SGCD: variants seen among roughly 807,000 people sequenced by gnomAD.
SGCD encodes sarcoglycan delta, also known as delta-sarcoglycan.
In SGCD, 18 loss-of-function variants were observed where a neutral mutation model predicts 36.6. That is an observed-to-expected ratio of 0.49 (90% CI 0.34 to 0.73). SGCD has a LOEUF of 0.73. Ranked by LOEUF, SGCD falls within the 30% of genes least tolerant of loss-of-function variation. The probability of loss-of-function intolerance (pLI) is 0.01; values close to 1 mark genes in which losing one functional copy is unlikely to be tolerated. For synonymous variants in SGCD, 133 were observed against 130.6 expected, an observed-to-expected ratio of 1.02 and a Z score of -0.12; for missense variants, 387 against 346.7, an observed-to-expected ratio of 1.12 and a Z score of -0.92.
chr5:156,730,650 G>A (rs284443), intron 7 of SGCD, among the ~76,000 whole-genome samples: 115,925 of 152,072 alleles, frequency 0.76, 44,901 homozygotes, highest in South Asian at 0.85. Context: ...TTGATTCCAT[G>A]TCTTTGTTAT....
In SGCD at chr5:156,229,277, C is replaced by CATATATAT. The variant is rs570200528; in HGVS notation, c.-43-100241_-43-100234dup. On this transcript the variant is annotated intron_variant, in intron 3 of 9. Coordinates refer to the SGCD transcript ENST00000517913. ...ACATACATACATATATATATACATACATATATATATATATATATATATAAA... is the reference window on the plus strand; with the variant it reads ...ACATACATACATATATATATACATACATATATATATATATATATATATATATATATAAA... 2.3e-3 allele frequency among the ~76,000 whole-genome samples: 131 copies of CATATATAT among 56,466 alleles called. 14 individuals are homozygous for CATATATAT. Among genetic ancestry groups the CATATATAT allele is most frequent in the South Asian group, 7.5e-3 (12 of 1,592 alleles). 37.0% of individuals were successfully genotyped at this position (56,466 alleles called of 152,430 possible).
chr5:155,817,660 G>A, the SGCD span, among the ~76,000 whole-genome samples: 1 of 152,012 alleles, frequency 6.6e-6, no homozygotes, highest in African/African-American at 2.4e-5. Flanking sequence ...TGAGATTTAT[G>A]TAGGACCAAT....
At chr5:156,242,366 A>T (rs1488659302) in intron 3 of SGCD, among the ~76,000 whole-genome samples, 2 of 152,128 alleles carry the variant, frequency 1.3e-5, no homozygotes, top group Non-Finnish European at 2.9e-5. Flanking sequence ...TGTAAAAAGG[A>T]CACCATAGGA....
At chr5:156,441,368 G>A (rs1753485222) in intron 3 of SGCD, among the ~76,000 whole-genome samples, 1 of 152,072 alleles carries the variant, frequency 6.6e-6, no homozygotes, top group South Asian at 2.1e-4. Context: ...TTCTTTAAAG[G>A]GAGGATAATA....
At chr5:155,953,294 A>C (rs1040977417) in intron 1 of SGCD, among the ~76,000 whole-genome samples, 1 of 152,278 alleles carries the variant, frequency 6.6e-6, no homozygotes, top group African/African-American at 2.4e-5. Context: ...ACTGGGAGCT[A>C]GTTGAGCTCT....
chr5:156,048,170 G>T (rs1200528184), intron 1 of SGCD, among the ~76,000 whole-genome samples: 1 of 152,122 alleles, frequency 6.6e-6, no homozygotes, highest in African/African-American at 2.4e-5. Flanking sequence ...TTTTATGACT[G>T]CATAGTATTC....
intron 1 of SGCD, among the ~76,000 whole-genome samples, chr5:155,886,389 G>A (rs1755999420): frequency 6.6e-6 from 1 of 152,176 alleles, no homozygotes; most frequent in Non-Finnish European, 1.5e-5. Context: ...CCAGATGAGA[G>A]AATCTGATTG....
At chr5:156,358,133 T>C (rs1223572380) in intron 3 of SGCD, among the ~76,000 whole-genome samples, 1 of 152,222 alleles carries the variant, frequency 6.6e-6, no homozygotes, top group Non-Finnish European at 1.5e-5. Flanking sequence ...CTCTTAATTA[T>C]ATGATAAAAT....
intron 7 of SGCD, among the ~76,000 whole-genome samples, chr5:156,663,954 C>T (rs1267074199): frequency 2.7e-5 from 1 of 37,196 alleles, no homozygotes; most frequent in South Asian, 1.1e-3. Context: ...GCTCGTTTCC[C>T]GACAATGGTT....
At chr5:155,769,940 C>T in the SGCD span, among the ~76,000 whole-genome samples, 1 of 152,182 alleles carries the variant, frequency 6.6e-6, no homozygotes, top group South Asian at 2.1e-4. Flanking sequence ...TTAGGCCATG[C>T]TTTGTACCTT....
intron 1 of SGCD, among the ~76,000 whole-genome samples, chr5:156,087,507 G>T (rs1581091257): frequency 6.6e-6 from 1 of 152,078 alleles, no homozygotes; most frequent in East Asian, 1.9e-4. Flanking sequence ...GGGCATGGTG[G>T]CATGTGCCTG....
At chr5:155,868,619 A>T (rs1022086724), upstream of SGCD, among the ~76,000 whole-genome samples, 3 of 152,102 alleles carry the variant, frequency 2.0e-5, no homozygotes, top group Non-Finnish European at 4.4e-5. Context: ...AAATGAAGGG[A>T]TCTAGCAAAA....
Position 156,508,615 on chromosome 5 carries a change from C to T in SGCD, c.207C>T (p.Asn69=), listed in dbSNP as rs1180476441. 2.5e-6 allele frequency: 4 copies of T among 1,607,404 alleles called. No homozygotes were observed. The change falls in exon 4 of 9, where the codon AAC becomes AAT. Residue 69 remains asparagine, a synonymous_variant. Transcript: ENST00000337851. ...VMNFTIDGMG[N]LRITEKGLKL... ...TTCTATTTCAGGATGGAATGGGAAA[C>T]CTGAGGATCACAGAAAAAGGTCTAA...
At chr5:156,295,053 A>G (rs1766859214) in intron 3 of SGCD, among the ~76,000 whole-genome samples, 1 of 152,126 alleles carries the variant, frequency 6.6e-6, no homozygotes. Context: ...AAGGATTGCT[A>G]TTAATTCTTT....
At chr5:156,218,648 A>AG (rs1305785067) in intron 3 of SGCD, among the ~76,000 whole-genome samples, 1 of 152,176 alleles carries the variant, frequency 6.6e-6, no homozygotes, top group African/African-American at 2.4e-5. Flanking sequence ...GTCATAAGCC[A>AG]GGTTCCATTC....
intron 3 of SGCD, among the ~76,000 whole-genome samples, chr5:156,370,219 G>T (rs1256353603): frequency 6.6e-6 from 1 of 152,120 alleles, no homozygotes; most frequent in Non-Finnish European, 1.5e-5. Context: ...CCTCTGGTTG[G>T]CAATGACAGG....
chr5:155,894,004 A>C (rs1343722637), intron 1 of SGCD, among the ~76,000 whole-genome samples: 1 of 152,198 alleles, frequency 6.6e-6, no homozygotes, highest in East Asian at 1.9e-4. Flanking sequence ...AAGATGTCTT[A>C]AAAAGTACAC....
At chr5:156,505,430 C>A (rs1339578343) in intron 3 of SGCD, among the ~76,000 whole-genome samples, 4 of 152,174 alleles carry the variant, frequency 2.6e-5, no homozygotes, top group African/African-American at 9.7e-5. Flanking sequence ...GTCATTCAAC[C>A]CCCTGTGTGG....
intron 3 of SGCD, among the ~76,000 whole-genome samples, chr5:156,156,284 T>A (rs1214348417): frequency 6.6e-6 from 1 of 151,478 alleles, no homozygotes; most frequent in Non-Finnish European, 1.5e-5. Context: ...TTAGTCGTTG[T>A]TCATTTCTCA....
Sources: allele counts gnomAD v4.1 joint callset (sites outside exome capture counted in the v4.1 genomes callset), GRCh38; gene constraint gnomAD v4.1.1; transcripts MANE v1.5; gene names NCBI Gene and HGNC (gene_info 2026-07-23, HGNC 2026-07-21).